The following OTUD7A variants were observed in gnomAD, a reference collection of about 807,000 sequenced individuals.
OTUD7A encodes OTU domain-containing protein 7A.
In OTUD7A, 12 loss-of-function variants were observed where a neutral mutation model predicts 65.7. That is an observed-to-expected ratio of 0.18 (90% CI 0.12 to 0.30). The LOEUF (loss-of-function observed/expected upper bound fraction) is 0.30, where lower values mean the gene tolerates loss of function less well. Ranked by LOEUF, OTUD7A falls within the 10% of genes least tolerant of loss-of-function variation. The probability of loss-of-function intolerance (pLI) is 1.00; values close to 1 mark genes in which losing one functional copy is unlikely to be tolerated. For missense variants in OTUD7A, 1,148 were observed against 1,304.8 expected, an observed-to-expected ratio of 0.88 and a Z score of 1.85; for synonymous variants, 641 against 586.3, an observed-to-expected ratio of 1.09 and a Z score of -1.35.
At chr15:31,486,386 A>C (rs939147935) in intron 12 of OTUD7A, among the ~76,000 whole-genome samples, 1 of 152,206 alleles carries the variant, frequency 6.6e-6, no homozygotes, top group East Asian at 1.9e-4. Context: ...GTCTGAGAGC[A>C]CTGAGCAGTG....
At chr15:31,779,327 T>A (rs575104161) in intron 1 of OTUD7A, among the ~76,000 whole-genome samples, 9 of 152,222 alleles carry the variant, frequency 5.9e-5, no homozygotes, top group Non-Finnish European at 1.2e-4. Flanking sequence ...ATCTGAAAAG[T>A]ACGCTTCACT....
chr15:31,671,163 T>A (rs1208456934), intron 1 of OTUD7A, among the ~76,000 whole-genome samples: 1 of 152,224 alleles, frequency 6.6e-6, no homozygotes, highest in Non-Finnish European at 1.5e-5. Context: ...ACGTCCTAGA[T>A]GGCATTGCCT....
chr15:31,763,727 C>A (rs1895031893), intron 1 of OTUD7A, among the ~76,000 whole-genome samples: 1 of 152,114 alleles, frequency 6.6e-6, no homozygotes, highest in Non-Finnish European at 1.5e-5. Flanking sequence ...AATCCAGGCC[C>A]AGACAAATCA....
rs563923953 is a variant in OTUD7A at position 31,613,996 on chromosome 15, C to T, written c.151+41100G>A. ...TAAAAGGGAATGAATCAAAGGCATT[C>T]GCAGCAACCTGGATAAGATTGGAGA... On this transcript the variant is annotated intron_variant, in intron 3 of 12. Coordinates refer to ENST00000307050, the MANE Select transcript of OTUD7A (RefSeq NM_001382637.1). 5.5e-4 allele frequency among the ~76,000 whole-genome samples: 83 copies of T among 152,176 alleles called. 1 individual carries two copies. Among genetic ancestry groups the T allele is most frequent in the African/African-American group, 1.7e-3 (69 of 41,528 alleles).
At chr15:31,528,219 AG>A (rs763106680) in intron 6 of OTUD7A, among the ~76,000 whole-genome samples, 1 of 152,104 alleles carries the variant, frequency 6.6e-6, no homozygotes, top group Non-Finnish European at 1.5e-5. Context: ...CCACGAGGAG[AG>A]GTGAGGCAGG....
chr15:31,718,013 TC>T (rs1218622266), intron 1 of OTUD7A, among the ~76,000 whole-genome samples: 1 of 152,114 alleles, frequency 6.6e-6, no homozygotes, highest in Non-Finnish European at 1.5e-5. Flanking sequence ...GGGTAGAATG[TC>T]CCCAGTCTGG....
Position 31,611,519 on chromosome 15 carries a change from C to T in OTUD7A, c.152-41322G>A, listed in dbSNP as rs532223274. 2.6e-5 allele frequency among the ~76,000 whole-genome samples: 4 copies of T among 152,214 alleles called. No individual in the cohort carries two copies. The East Asian group carries it at 7.7e-4, about 29-fold the overall frequency. On this transcript the variant is annotated intron_variant, in intron 3 of 12. Coordinates refer to ENST00000307050, the MANE Select transcript of OTUD7A (RefSeq NM_001382637.1). ...CAGAAATACAAATGATCATTCAAGG[C>T]TACTATGAACATCTTTACTCACATA...
At chr15:31,606,710 T>A (rs545810742) in intron 3 of OTUD7A, among the ~76,000 whole-genome samples, 2 of 152,332 alleles carry the variant, frequency 1.3e-5, no homozygotes, top group African/African-American at 4.8e-5. Flanking sequence ...AGCAGCCCTT[T>A]ATTCAATTGG....
At chr15:31,843,781 G>T (rs572780389) in intron 1 of OTUD7A, among the ~76,000 whole-genome samples, 1 of 152,128 alleles carries the variant, frequency 6.6e-6, no homozygotes, top group Non-Finnish European at 1.5e-5. Flanking sequence ...TGATGTCCAG[G>T]AGCATATGTC....
At position 31,633,946 on chromosome 15, in the gene OTUD7A, G is replaced by A. The variant is rs572442954; in HGVS notation, c.151+21150C>T. 2.0e-5 allele frequency among the ~76,000 whole-genome samples: 3 copies of A among 152,260 alleles called. No individual in the cohort carries two copies. In the East Asian group the frequency reaches 5.8e-4, roughly 29 times the overall value. On this transcript the variant is annotated intron_variant, in intron 3 of 12. Transcript: ENST00000307050. ...GGTATTTCATAGGTTTTGTTGAGTG[G>A]CCTCCTCTGTGTCTCACTCGACCGA...
rs149133230 is a variant in OTUD7A, at chr15:31,683,000, T to C, written c.-99-25923A>G. ...TTGGTTAGAAATTCCAGTGGGCTGG[T>C]TGCTTATACTTGGAAGTTTCCAGAC... On this transcript the variant is annotated intron_variant, in intron 1 of 12. Transcript: ENST00000307050. 4.5e-3 allele frequency among the ~76,000 whole-genome samples: 691 copies of C among 152,298 alleles called. 3 individuals carry two copies. Among genetic ancestry groups the C allele is most frequent in the African/African-American group, 0.016 (665 of 41,548 alleles).
At chr15:31,703,300 C>T (rs2141330005) in intron 1 of OTUD7A, among the ~76,000 whole-genome samples, 1 of 152,238 alleles carries the variant, frequency 6.6e-6, no homozygotes, top group Middle Eastern at 3.4e-3. Context: ...AAAAGACCAG[C>T]TACTGACTGG....
At chr15:31,766,285 T>G (rs146573908) in intron 1 of OTUD7A, 3 of 1,603,374 alleles carry the variant, frequency 1.9e-6, no homozygotes, top group Admixed American at 3.3e-5. Flanking sequence ...AGTTTGGGCA[T>G]ATCAACATTT....
intron 1 of OTUD7A, among the ~76,000 whole-genome samples, chr15:31,735,647 T>C (rs1894168714): frequency 6.6e-6 from 1 of 152,080 alleles, no homozygotes. Context: ...TGGAAGATAG[T>C]GTGGTGATTT....
chr15:31,846,708 G>T (rs1897301045), intron 1 of OTUD7A, among the ~76,000 whole-genome samples: 1 of 152,174 alleles, frequency 6.6e-6, no homozygotes, highest in African/African-American at 2.4e-5. Context: ...GGTTTAAGAA[G>T]AATATTTATA....
intron 8 of OTUD7A, among the ~76,000 whole-genome samples, chr15:31,517,729 G>T (rs2041878518): frequency 6.6e-6 from 1 of 152,152 alleles, no homozygotes; most frequent in Non-Finnish European, 1.5e-5. Context: ...CCCTGAGAAA[G>T]ATGGGGGTGG....
chr15:31,516,811 C>A lies in OTUD7A; in HGVS notation c.893+9538G>T, dbSNP rs1423004059. Among the ~76,000 whole-genome samples the A allele has an allele frequency of 1.6e-4, 24 of 152,152 alleles. 1 individual carries two copies. Among genetic ancestry groups the A allele is most frequent in the Non-Finnish European group, 3.5e-4 (24 of 68,022 alleles). ...GGATCTCTCTGCCTGAATCTTAATC[C>A]CTGCCTCAATGTGACCCTGGGATGG... On this transcript the variant is annotated intron_variant, in intron 8 of 12. Transcript: ENST00000307050.
intron 3 of OTUD7A, among the ~76,000 whole-genome samples, chr15:31,610,524 G>A (rs1890370044): frequency 6.8e-6 from 1 of 146,164 alleles, no homozygotes; most frequent in Admixed American, 6.9e-5. Context: ...ACAGCACATG[G>A]GACTTTCTCC....
intron 1 of OTUD7A, among the ~76,000 whole-genome samples, chr15:31,751,225 A>G (rs1203537435): frequency 6.6e-6 from 1 of 152,208 alleles, no homozygotes; most frequent in Non-Finnish European, 1.5e-5. Flanking sequence ...ATCAATAAGC[A>G]AGGAACAACC....
Sources: gnomAD v4.1 joint callset for allele counts (sites outside exome capture counted in the v4.1 genomes callset) on GRCh38, gnomAD v4.1.1 for gene constraint, MANE v1.5 for transcripts, NCBI Gene and HGNC (gene_info 2026-07-23, HGNC 2026-07-21) for gene names.